The following TUSC3 variants were observed in gnomAD, a reference collection of about 807,000 sequenced individuals.
TUSC3 encodes tumor suppressor candidate 3.
A neutral mutation model predicts 44.8 loss-of-function variants in TUSC3; 45 were observed. The ratio of observed to expected loss-of-function variants is 1.00; its 90% CI spans 0.79 to 1.29. TUSC3 has a LOEUF of 1.29. Ranked by LOEUF, TUSC3 falls within the 50% of genes most tolerant of loss-of-function variation. TUSC3 has a pLI of 0.00. For missense variants in TUSC3, 519 were observed against 437.9 expected (o/e 1.19, Z -1.65); for synonymous variants, 212 against 152.9 (o/e 1.39, Z -2.85).
intron 1 of TUSC3, among the ~76,000 whole-genome samples, chr8:15,620,416 T>C (rs1314775179): frequency 6.6e-6 from 1 of 152,160 alleles, no homozygotes; most frequent in Non-Finnish European, 1.5e-5. Context: ...TTTCAAGATG[T>C]GATTGTGTAG....
At chr8:15,598,979 A>C (rs1804174862) in intron 1 of TUSC3, among the ~76,000 whole-genome samples, 1 of 151,758 alleles carries the variant, frequency 6.6e-6, no homozygotes, top group African/African-American at 2.4e-5. Flanking sequence ...TTGCTGGATC[A>C]AGTGGTTAAA....
chr8:15,470,345 A>C (rs1423217990), intron 1 of TUSC3, among the ~76,000 whole-genome samples: 2 of 152,056 alleles, frequency 1.3e-5, no homozygotes, highest in African/African-American at 2.4e-5. Context: ...AGGGCAATAC[A>C]ACTAACGTTC....
intron 2 of TUSC3, among the ~76,000 whole-genome samples, chr8:15,505,280 C>T (rs77248638): frequency 0.034 from 5,171 of 152,244 alleles, 270 homozygotes; most frequent in African/African-American, 0.12. Flanking sequence ...AGTTAAACTG[C>T]ACTGTCAATT....
intron 7 of TUSC3, among the ~76,000 whole-genome samples, chr8:15,741,089 T>C (rs190498556): frequency 4.7e-4 from 72 of 152,292 alleles, no homozygotes; most frequent in Non-Finnish European, 6.9e-4. Context: ...CCATAATTAA[T>C]GCCCTGTAAA....
chr8:15,698,302 A>G (rs566043245), intron 6 of TUSC3, among the ~76,000 whole-genome samples: 118 of 152,326 alleles, frequency 7.7e-4, no homozygotes, highest in Non-Finnish European at 1.4e-3. Context: ...TGTGTTCTAC[A>G]TCAAATTCTG....
intron 1 of TUSC3, among the ~76,000 whole-genome samples, chr8:15,564,333 C>A (rs1016245724): frequency 6.6e-6 from 1 of 152,052 alleles, no homozygotes; most frequent in African/African-American, 2.4e-5. Flanking sequence ...GATTTCTTGT[C>A]TCATTTGAAA....
At chr8:15,585,355 A>G (rs1269351607) in intron 1 of TUSC3, among the ~76,000 whole-genome samples, 1 of 152,182 alleles carries the variant, frequency 6.6e-6, no homozygotes, top group Non-Finnish European at 1.5e-5. Context: ...GCAGTTTCTT[A>G]TTCTGAGGTA....
At chr8:15,826,904 A>C in the TUSC3 span, among the ~76,000 whole-genome samples, 9 of 152,194 alleles carry the variant, frequency 5.9e-5, no homozygotes, top group Non-Finnish European at 1.2e-4. Context: ...GGTTGGGAAC[A>C]GGGATAAAAA....
chr8:15,443,528 A>G (rs184696435), intron 1 of TUSC3, among the ~76,000 whole-genome samples: 1 of 152,240 alleles, frequency 6.6e-6, no homozygotes, highest in African/African-American at 2.4e-5. Flanking sequence ...AAAGAGATCT[A>G]AATTAACCGA....
At chr8:15,607,698 CT>C (rs1016962646) in intron 1 of TUSC3, among the ~76,000 whole-genome samples, 1 of 152,116 alleles carries the variant, frequency 6.6e-6, no homozygotes, top group African/African-American at 2.4e-5. Flanking sequence ...ATCATTCTGT[CT>C]TTTTAAATGC....
chr8:15,761,305 C>G (rs190494161), intron 10 of TUSC3, among the ~76,000 whole-genome samples: 4 of 152,072 alleles, frequency 2.6e-5, no homozygotes, highest in South Asian at 2.1e-4. Flanking sequence ...AGGAGAGAAA[C>G]GGTTTGAAGT....
chr8:15,538,577 G>T (rs1250895596), upstream of TUSC3, among the ~76,000 whole-genome samples: 3 of 152,128 alleles, frequency 2.0e-5, no homozygotes. Flanking sequence ...TAGTTGATAG[G>T]GTTGTTGTGG....
intron 6 of TUSC3, among the ~76,000 whole-genome samples, chr8:15,679,759 A>G (rs1223129415): frequency 6.6e-6 from 1 of 152,062 alleles, no homozygotes; most frequent in African/African-American, 2.4e-5. Flanking sequence ...TCTTGAGTTA[A>G]TTTTGTATAT....
rs148922218 is a variant in TUSC3, at chr8:15,473,848, T to G, written n.92-9538T>G. Among the ~76,000 whole-genome samples the G allele has an allele frequency of 2.8e-4, 42 of 152,280 alleles. No individual in the cohort carries two copies. The East Asian group carries it at 7.0e-3, about 25-fold the overall frequency. The stretch of plus-strand genomic sequence containing the variant: ...GTGTTCAGCTGTGCACATATTGTCT[T>G]GATAAACATCTTAAACAACAGAAAA... On this transcript the variant is annotated intron_variant and non_coding_transcript_variant, in intron 1 of 5. Coordinates refer to the TUSC3 transcript ENST00000503191.
the TUSC3 span, among the ~76,000 whole-genome samples, chr8:15,839,335 T>C: frequency 6.7e-6 from 1 of 149,956 alleles, no homozygotes; most frequent in South Asian, 2.1e-4. Flanking sequence ...CTTTTCCTAA[T>C]GGAATACCCT....
At chr8:15,711,817 A>G (rs963526762) in intron 6 of TUSC3, among the ~76,000 whole-genome samples, 1 of 151,920 alleles carries the variant, frequency 6.6e-6, no homozygotes, top group African/African-American at 2.4e-5. Flanking sequence ...TTAATTGACA[A>G]TTAGAATTAC....
the TUSC3 span, among the ~76,000 whole-genome samples, chr8:15,810,366 G>T: frequency 1.3e-5 from 2 of 152,282 alleles, no homozygotes; most frequent in Middle Eastern, 3.4e-3. Flanking sequence ...GGCCAGGAAT[G>T]GTGGCGTATG....
At chr8:15,787,390 C>A in the TUSC3 span, among the ~76,000 whole-genome samples, 2 of 152,104 alleles carry the variant, frequency 1.3e-5, no homozygotes, top group Non-Finnish European at 2.9e-5. Context: ...ATCCAAAGTA[C>A]ATGATGATTT....
the TUSC3 span, among the ~76,000 whole-genome samples, chr8:15,773,618 A>G: frequency 1.3e-5 from 2 of 152,208 alleles, no homozygotes; most frequent in African/African-American, 4.8e-5. Flanking sequence ...GGGGTCCTGA[A>G]TAGCCAAAGC....
Sources: allele counts gnomAD v4.1 joint callset (sites outside exome capture counted in the v4.1 genomes callset), GRCh38; gene constraint gnomAD v4.1.1; transcripts MANE v1.5; gene names NCBI Gene and HGNC (gene_info 2026-07-23, HGNC 2026-07-21).